Variants in BCAR3 observed in about 807,000 individuals in gnomAD.
BCAR3 encodes the protein breast cancer anti-estrogen resistance protein 3.
Under a neutral mutation model 80.1 loss-of-function variants are expected in BCAR3, and 37 were observed. The ratio of observed to expected loss-of-function variants is 0.46; its 90% confidence interval spans 0.36 to 0.61. BCAR3 has a LOEUF of 0.61. Ranked by LOEUF, BCAR3 falls within the 20% of genes least tolerant of loss-of-function variation. The probability of loss-of-function intolerance (pLI) is 0.00; values close to 1 mark genes in which losing one functional copy is unlikely to be tolerated. For synonymous variants in BCAR3, 389 were observed against 418.9 expected (o/e 0.93, Z 0.87); for missense variants, 978 against 1,068.2 (o/e 0.92, Z 1.18).
At chr1:93,677,758 C>T (rs1008737777) in intron 1 of BCAR3, among the ~76,000 whole-genome samples, 3 of 152,156 alleles carry the variant, frequency 2.0e-5, no homozygotes, top group Non-Finnish European at 4.4e-5. Flanking sequence ...AGCACTGGAG[C>T]TGCTGCATGT....
intron 2 of BCAR3, among the ~76,000 whole-genome samples, chr1:93,646,847 C>G (rs929416695): frequency 1.8e-4 from 28 of 151,948 alleles, no homozygotes; most frequent in Non-Finnish European, 2.9e-5. Flanking sequence ...AAATTCACAG[C>G]TATAAAAATA....
At chr1:93,772,420 G>C (rs1652390077) in intron 2 of BCAR3, among the ~76,000 whole-genome samples, 1 of 152,148 alleles carries the variant, frequency 6.6e-6, no homozygotes, top group African/African-American at 2.4e-5. Flanking sequence ...GCTCACTCTT[G>C]TTTCACATTC....
chr1:93,633,539 C>G (rs891294607), intron 3 of BCAR3, among the ~76,000 whole-genome samples: 2 of 152,216 alleles, frequency 1.3e-5, no homozygotes, highest in Non-Finnish European at 2.9e-5. Flanking sequence ...TCCATCTCAT[C>G]AAGGGTCTGG....
intron 7 of BCAR3, among the ~76,000 whole-genome samples, chr1:93,577,879 G>A (rs984470768): frequency 1.3e-5 from 2 of 152,186 alleles, no homozygotes; most frequent in Non-Finnish European, 2.9e-5. Context: ...TCTGCATTTC[G>A]TCGGCACATA....
intron 2 of BCAR3, among the ~76,000 whole-genome samples, chr1:93,732,786 G>C (rs1026675946): frequency 1.3e-5 from 2 of 152,142 alleles, no homozygotes; most frequent in African/African-American, 4.8e-5. Context: ...ACAGCCTCAG[G>C]AAAGTAAAGA....
At chr1:93,625,516 A>C (rs568157566) in intron 3 of BCAR3, among the ~76,000 whole-genome samples, 21 of 152,306 alleles carry the variant, frequency 1.4e-4, no homozygotes, top group African/African-American at 5.1e-4. Context: ...GGTCACAGGA[A>C]ACAGTCCATC....
chr1:93,797,518 C>T lies in BCAR3; in HGVS notation c.-63+48049G>A, dbSNP rs149762115. ...GTTGGTTCATATAAACTGCCATTTA[C>T]TTTCATAGGTCAACCTGTAATTATC... On this transcript the variant is annotated intron_variant, in intron 2 of 13. Transcript: ENST00000370244. Among the ~76,000 whole-genome samples the T allele has an allele frequency of 4.4e-3, 662 of 152,150 alleles. 7 individuals carry two copies. The highest frequency in any genetic ancestry group is 0.015 in the African/African-American group (626 of 41,512).
chr1:93,633,674 G>A (rs944540002), intron 3 of BCAR3, among the ~76,000 whole-genome samples: 25 of 152,152 alleles, frequency 1.6e-4, no homozygotes, highest in Non-Finnish European at 2.2e-4. Flanking sequence ...TGGCTCTATC[G>A]CCCAGTCTGG....
chr1:93,728,428 T>C (rs951381448), intron 2 of BCAR3, among the ~76,000 whole-genome samples: 3 of 152,244 alleles, frequency 2.0e-5, no homozygotes. Context: ...CGACTTGTGT[T>C]AACCAGTTCA....
rs1399687393 is a variant in BCAR3, at chr1:93,643,309, G to C, written c.318-966C>G. Among the ~76,000 whole-genome samples, 3 of 150,796 alleles carry C rather than the reference G, an allele frequency of 2.0e-5. No individual in the cohort carries two copies. In the East Asian group the frequency reaches 5.9e-4, roughly 29 times the overall value. On this transcript the variant is annotated intron_variant, in intron 2 of 11. Coordinates refer to ENST00000260502, the MANE Select transcript of BCAR3 (RefSeq NM_003567.4). Reference sequence around the variant, plus strand: ...GGGGGCCGAGGCAGGCGGATCATTTGAGGTCAGGAGTTGGAGACAAGCATG... The same window carrying C: ...GGGGGCCGAGGCAGGCGGATCATTTCAGGTCAGGAGTTGGAGACAAGCATG...
rs541309976 is a variant in BCAR3 at position 93,680,918 on chromosome 1, C to T, written c.-12+680G>A. Among the ~76,000 whole-genome samples the T allele has an allele frequency of 4.6e-5, 7 of 152,332 alleles. No homozygotes were observed. The South Asian group carries it at 1.5e-3, about 32-fold the overall frequency. On this transcript the variant is annotated intron_variant, in intron 1 of 11. Coordinates refer to ENST00000260502, the MANE Select transcript of BCAR3 (RefSeq NM_003567.4). ...GGTAAGGACAGTTGGGCTGTACGAT[C>T]TATCGGAACCTCCTTCCCACCGTCC...
In BCAR3 at chr1:93,722,294, C is replaced by T. The variant is rs1650433732; in HGVS notation, c.-62-16152G>A. On this transcript the variant is annotated intron_variant, in intron 2 of 13. Transcript: ENST00000370244. ...GTTTTTGGCTTCTTGGCCTTTACTG[C>T]GTCCTTGGGGACAGGCTACTATTTT... 2.6e-5 allele frequency among the ~76,000 whole-genome samples: 4 copies of T among 152,332 alleles called. No homozygotes were observed. In the South Asian group the frequency reaches 6.2e-4, roughly 24 times the overall value.
rs147825791 is a variant in BCAR3 at position 93,728,893 on chromosome 1, G to T, written c.-62-22751C>A. Among the ~76,000 whole-genome samples, 1,190 of 151,926 alleles carry T rather than the reference G, an allele frequency of 7.8e-3. 18 individuals are homozygous for T. Among genetic ancestry groups the T allele is most frequent in the African/African-American group, 0.028 (1,145 of 41,460 alleles). On this transcript the variant is annotated intron_variant, in intron 2 of 13. Transcript: ENST00000370244. ...TGGTCTTGGGAAATGCAACATTTGGGCAGGAAAAAAAAAATGCCTGTCCTC... is the reference window on the plus strand; with the variant it reads ...TGGTCTTGGGAAATGCAACATTTGGTCAGGAAAAAAAAAATGCCTGTCCTC...
intron 2 of BCAR3, among the ~76,000 whole-genome samples, chr1:93,770,700 C>T (rs192845428): frequency 5.9e-5 from 9 of 152,202 alleles, no homozygotes; most frequent in African/African-American, 1.2e-4. Flanking sequence ...TCCAAATAGT[C>T]GTTGGTGGGA....
At chr1:93,821,617 T>C (rs1654224827) in intron 2 of BCAR3, among the ~76,000 whole-genome samples, 1 of 152,192 alleles carries the variant, frequency 6.6e-6, no homozygotes. Flanking sequence ...GTCACTCTAT[T>C]TGTATTTGTG....
intron 2 of BCAR3, among the ~76,000 whole-genome samples, chr1:93,836,164 T>C (rs1654760178): frequency 6.6e-6 from 1 of 152,200 alleles, no homozygotes; most frequent in South Asian, 2.1e-4. Context: ...CTCGAGATGC[T>C]ACAGGGTACA....
upstream of BCAR3, among the ~76,000 whole-genome samples, chr1:93,686,450 C>T (rs779638954): frequency 6.6e-6 from 1 of 152,184 alleles, no homozygotes; most frequent in Non-Finnish European, 1.5e-5. Context: ...ATAACAATTA[C>T]GATAACATTA....
chr1:93,745,787 C>T (rs1651336712), intron 2 of BCAR3, among the ~76,000 whole-genome samples: 1 of 152,164 alleles, frequency 6.6e-6, no homozygotes, highest in African/African-American at 2.4e-5. Context: ...CACCTGTAAT[C>T]CCAGCACTTT....
intron 2 of BCAR3, among the ~76,000 whole-genome samples, chr1:93,747,421 C>T (rs560307198): frequency 6.6e-6 from 1 of 151,684 alleles, no homozygotes. Context: ...CCACAGGGAT[C>T]CTTCTCTTAT....
Sources: gnomAD v4.1 joint callset for allele counts (sites outside exome capture counted in the v4.1 genomes callset) on GRCh38, gnomAD v4.1.1 for gene constraint, MANE v1.5 for transcripts, NCBI Gene and HGNC (gene_info 2026-07-23, HGNC 2026-07-21) for gene names.